Variants in LPP observed in about 807,000 individuals in gnomAD.
LPP encodes the protein LIM domain containing preferred translocation partner in lipoma, also known as lipoma-preferred partner.
Under a neutral mutation model 60.4 loss-of-function variants are expected in LPP, and 38 were observed. The ratio of observed to expected loss-of-function variants is 0.63; its 90% CI spans 0.49 to 0.83. The LOEUF is 0.83. LPP is among the 40% of genes least tolerant of loss of function. The pLI is 0.00. For missense variants in LPP, 902 were observed against 783.6 expected (o/e 1.15, Z -1.80); for synonymous variants, 328 against 290.8 (o/e 1.13, Z -1.30).
chr3:188,406,082 C>G, intron 3 of LPP, 30 bp from the exon 4 acceptor site: 1 of 1,582,408 alleles, frequency 6.3e-7, no homozygotes, highest in African/African-American at 1.4e-5. Context: ...TTCATGCTTC[C>G]ATAAAAACAG....
intron 7 of LPP, among the ~76,000 whole-genome samples, chr3:188,657,258 GTATATATATA>G (rs148151207): frequency 1.1e-5 from 1 of 89,810 alleles, no homozygotes; most frequent in Admixed American, 1.3e-4. Context: ...CTGTCAAGGT[GTATATATATA>G]TATATATATA....
chr3:188,816,564 AG>A, intron 9 of LPP, among the ~76,000 whole-genome samples: 1 of 152,178 alleles, frequency 6.6e-6, no homozygotes, highest in East Asian at 1.9e-4. Flanking sequence ...CCACTCTCTT[AG>A]GCAGAGCTTA....
chr3:188,410,678 C>A (rs1343350263), intron 4 of LPP, among the ~76,000 whole-genome samples: 1 of 152,088 alleles, frequency 6.6e-6, no homozygotes, highest in African/African-American at 2.4e-5. Context: ...CAAATGCTTT[C>A]TCTGTGTTCA....
Position 188,307,782 on chromosome 3 carries a change from G to T in LPP, c.-66-33881G>T, listed in dbSNP as rs773643448. ...AGTCCTATGAGATAAGCTCATAACT[G>T]GGATGTTCAATATGACTTTATTAAC... On this transcript the variant is annotated intron_variant, in intron 2 of 11. Transcript: ENST00000617246. Among the ~76,000 whole-genome samples the T allele has an allele frequency of 2.2e-4, 34 of 152,144 alleles. 1 individual carries two copies. The highest frequency in any genetic ancestry group is 7.3e-5 in the Non-Finnish European group (5 of 68,028).
intron 3 of LPP, among the ~76,000 whole-genome samples, chr3:188,373,372 T>C (rs920162482): frequency 3.3e-5 from 5 of 152,232 alleles, no homozygotes; most frequent in Admixed American, 1.3e-4. Flanking sequence ...GCACCTGTTG[T>C]TTCCTGACTT....
At chr3:188,780,775 C>T (rs17672731) in intron 9 of LPP, among the ~76,000 whole-genome samples, 31,624 of 152,146 alleles carry the variant, frequency 0.21, 3,752 homozygotes, top group Middle Eastern at 0.28. Flanking sequence ...ATGTCTTTAT[C>T]AGATGCAGCC....
intron 9 of LPP, among the ~76,000 whole-genome samples, chr3:188,832,798 C>T (rs1052835591): frequency 6.6e-6 from 1 of 152,184 alleles, no homozygotes; most frequent in Non-Finnish European, 1.5e-5. Flanking sequence ...CTGTGGTCTT[C>T]AGCGGGAGCC....
chr3:188,580,292 CA>C (rs1835776498), intron 6 of LPP, among the ~76,000 whole-genome samples: 3 of 151,584 alleles, frequency 2.0e-5, no homozygotes, highest in Admixed American at 1.3e-4. Context: ...TAATTATAGG[CA>C]GATAAAATTT....
intron 7 of LPP, among the ~76,000 whole-genome samples, chr3:188,701,522 A>G (rs1383431301): frequency 6.6e-6 from 1 of 152,228 alleles, no homozygotes; most frequent in Non-Finnish European, 1.5e-5. Context: ...CCAGCGAGTG[A>G]CTTATCTCCA....
intron 2 of LPP, among the ~76,000 whole-genome samples, chr3:188,276,921 G>T (rs952431998): frequency 1.8e-5 from 1 of 56,616 alleles, no homozygotes; most frequent in Admixed American, 2.1e-4. Context: ...TTTTTTTTTG[G>T]AGAGACAGGT....
chr3:188,777,655 T>C (rs1380688313), intron 9 of LPP, among the ~76,000 whole-genome samples: 1 of 152,156 alleles, frequency 6.6e-6, no homozygotes, highest in Non-Finnish European at 1.5e-5. Flanking sequence ...GCATGTCTTT[T>C]GTCTCTCTGC....
intron 2 of LPP, among the ~76,000 whole-genome samples, chr3:188,310,040 A>G (rs1752889395): frequency 6.6e-6 from 1 of 152,140 alleles, no homozygotes; most frequent in Non-Finnish European, 1.5e-5. Flanking sequence ...AGAAAGATAA[A>G]TTAAACAAAA....
At chr3:188,863,455 A>G (rs1320686740) in intron 9 of LPP, among the ~76,000 whole-genome samples, 2 of 152,160 alleles carry the variant, frequency 1.3e-5, no homozygotes, top group African/African-American at 4.8e-5. Context: ...CAGGTCCAGC[A>G]CATCCATTCT....
chr3:188,330,837 CAGTA>C lies in LPP; in HGVS notation c.-66-10804_-66-10801del, dbSNP rs1182719133. Among the ~76,000 whole-genome samples, 422 of 137,220 alleles carry C rather than the reference CAGTA, an allele frequency of 3.1e-3. 8 individuals carry two copies. The highest frequency in any genetic ancestry group is 9.8e-3 in the South Asian group (42 of 4,270). The allele number at this position is 137,220 out of a possible 152,430, so 90.0% of individuals were successfully genotyped here. On this transcript the variant is annotated intron_variant, in intron 2 of 11. Coordinates refer to ENST00000617246, the MANE Select transcript of LPP (RefSeq NM_001375462.1). ...CCTCAGAATAAGTCAGTCAGTCAGT[CAGTA>C]AGTAAGTAAGTAAGTAAGTAAATAA...
chr3:188,304,954 G>A (rs1460056689), intron 2 of LPP, among the ~76,000 whole-genome samples: 4 of 152,164 alleles, frequency 2.6e-5, no homozygotes, highest in African/African-American at 9.7e-5. Flanking sequence ...TATTTGGGCT[G>A]AAATATTTTA....
At chr3:188,693,681 A>G (rs1439066613) in intron 7 of LPP, among the ~76,000 whole-genome samples, 1 of 152,220 alleles carries the variant, frequency 6.6e-6, no homozygotes, top group Non-Finnish European at 1.5e-5. Flanking sequence ...ACATCTGTTC[A>G]TGCCAGCTGT....
intron 1 of LPP, among the ~76,000 whole-genome samples, chr3:188,167,731 G>A (rs1208762945): frequency 6.6e-6 from 1 of 151,962 alleles, no homozygotes; most frequent in Non-Finnish European, 1.5e-5. Context: ...AGTTCTTTCA[G>A]AGAAGAATTA....
intron 9 of LPP, among the ~76,000 whole-genome samples, chr3:188,794,672 G>C (rs1011656193): frequency 7.2e-5 from 11 of 152,112 alleles, no homozygotes; most frequent in South Asian, 2.1e-4. Context: ...TACCTCAGGG[G>C]GTCCTTGTGC....
chr3:188,864,571 C>A (rs994043836), intron 9 of LPP, among the ~76,000 whole-genome samples: 3 of 152,200 alleles, frequency 2.0e-5, no homozygotes, highest in Admixed American at 6.5e-5. Flanking sequence ...GAGAAAGAAG[C>A]AATTCATTCC....
Sources: gnomAD v4.1 joint callset for allele counts (sites outside exome capture counted in the v4.1 genomes callset) on GRCh38, gnomAD v4.1.1 for gene constraint, MANE v1.5 for transcripts, NCBI Gene and HGNC (gene_info 2026-07-23, HGNC 2026-07-21) for gene names.